EEA1: variants seen among roughly 807,000 people sequenced by gnomAD.
The protein encoded by EEA1 is early endosome antigen 1, 162kD.
EEA1 carries 111 observed loss-of-function variants against 209.2 expected under a neutral mutation model. The observed-to-expected ratio is 0.53, with a 90% CI of 0.45 to 0.62. The LOEUF is 0.62. Among genes scored for constraint, EEA1 ranks in the 20% least tolerant of loss-of-function variants. EEA1 has a pLI of 0.00. For missense variants in EEA1, 1,343 were observed against 1,530.8 expected (o/e 0.88, Z 2.05); for synonymous variants, 536 against 540.6 (o/e 0.99, Z 0.12).
chr12:92,782,028 T>C lies in EEA1; in HGVS notation c.3258A>G (p.Thr1086=). The C allele has an allele frequency of 6.2e-7, 1 of 1,613,368 alleles. No homozygotes were observed. Among genetic ancestry groups the C allele is most frequent in the Non-Finnish European group, 8.5e-7 (1 of 1,179,516 alleles). Residue 1086 remains threonine, a synonymous_variant, in exon 23 of 29, where the codon ACA becomes ACG. Coordinates refer to ENST00000322349, the MANE Select transcript of EEA1 (RefSeq NM_003566.4). ...LIQELKTAKA[T]LEQDSAKKEQ... ...CTTTCTTTGCTGAATCCTGCTCCAA[T>C]GTAGCCTTGGCAGTCTTCAGTTCTT...
intron 10 of EEA1, among the ~76,000 whole-genome samples, chr12:92,834,361 T>C (rs931571521): frequency 2.6e-5 from 4 of 151,614 alleles, no homozygotes; most frequent in Admixed American, 1.3e-4. Context: ...CTGGGCAATA[T>C]AGCAAGACTC....
At chr12:92,829,794 A>C (rs1370381136) in intron 11 of EEA1, among the ~76,000 whole-genome samples, 3 of 143,192 alleles carry the variant, frequency 2.1e-5, no homozygotes, top group African/African-American at 5.1e-5. Context: ...AAAAAAAAAA[A>C]AACAAAAAAC....
intron 1 of EEA1, among the ~76,000 whole-genome samples, chr12:92,898,949 T>G: frequency 7.7e-6 from 1 of 129,174 alleles, no homozygotes; most frequent in Non-Finnish European, 1.7e-5. Flanking sequence ...ATCTTACTCA[T>G]GAGTGAAAAA....
At chr12:92,892,370 G>C (rs1162160640) in intron 1 of EEA1, among the ~76,000 whole-genome samples, 2 of 152,034 alleles carry the variant, frequency 1.3e-5, no homozygotes, top group Non-Finnish European at 2.9e-5. Context: ...GGGGTTACAG[G>C]TGTGAGCCAT....
intron 1 of EEA1, among the ~76,000 whole-genome samples, chr12:92,924,500 C>T (rs895443127): frequency 6.6e-6 from 1 of 152,130 alleles, no homozygotes; most frequent in South Asian, 2.1e-4. Flanking sequence ...TGAGCCACCG[C>T]GCCTGGCTGA....
At chr12:92,925,181 CAA>C (rs796274410) in intron 1 of EEA1, among the ~76,000 whole-genome samples, 24 of 119,826 alleles carry the variant, frequency 2.0e-4, no homozygotes, top group African/African-American at 6.1e-4. Context: ...AAAGATGTCT[CAA>C]AAAAAAAAAA....
chr12:92,838,440 A>G (rs1354317673), intron 10 of EEA1, among the ~76,000 whole-genome samples: 2 of 152,226 alleles, frequency 1.3e-5, no homozygotes, highest in African/African-American at 4.8e-5. Context: ...CAAAGAAATT[A>G]AAAATCAAAC....
intron 21 of EEA1, among the ~76,000 whole-genome samples, chr12:92,789,321 GAAAGA>G (rs965649272): frequency 8.0e-5 from 12 of 149,658 alleles, no homozygotes; most frequent in African/African-American, 3.0e-4. Flanking sequence ...AAGAAAAAGA[GAAAGA>G]AAAGAAAAGA....
chr12:92,916,180 T>C (rs1401342811), intron 1 of EEA1, among the ~76,000 whole-genome samples: 2 of 152,172 alleles, frequency 1.3e-5, no homozygotes, highest in South Asian at 2.1e-4. Context: ...TCATCAAATA[T>C]GAATAGACAG....
intron 10 of EEA1, among the ~76,000 whole-genome samples, chr12:92,833,909 G>A (rs1474427739): frequency 2.6e-5 from 4 of 152,124 alleles, no homozygotes; most frequent in African/African-American, 9.7e-5. Context: ...AATGAGCAAA[G>A]TCAAGGGGAG....
intron 2 of EEA1, among the ~76,000 whole-genome samples, chr12:92,888,598 A>G (rs1353897830): frequency 6.6e-6 from 1 of 152,034 alleles, no homozygotes; most frequent in Admixed American, 6.5e-5. Flanking sequence ...AAACAAACAA[A>G]AAAAAAAACC....
At chr12:92,896,328 G>A (rs905344866) in intron 1 of EEA1, among the ~76,000 whole-genome samples, 2 of 152,194 alleles carry the variant, frequency 1.3e-5, no homozygotes, top group East Asian at 3.8e-4. Flanking sequence ...TCTTAGGGAT[G>A]AGCAAAGAAG....
intron 2 of EEA1, chr12:92,879,291 C>T (rs1879039542): frequency 4.7e-6 from 2 of 425,294 alleles, no homozygotes; most frequent in African/African-American, 4.2e-5. Context: ...CTGAAATGAA[C>T]ATCATTTCGG....
chr12:92,836,059 G>C (rs1167948987), intron 10 of EEA1, among the ~76,000 whole-genome samples: 1 of 151,102 alleles, frequency 6.6e-6, no homozygotes, highest in East Asian at 1.9e-4. Flanking sequence ...AAAATAATAA[G>C]AGCATTTTCA....
intron 1 of EEA1, among the ~76,000 whole-genome samples, chr12:92,901,090 G>A (rs1880122368): frequency 6.6e-6 from 1 of 152,182 alleles, no homozygotes; most frequent in Non-Finnish European, 1.5e-5. Context: ...ACTGGAAACA[G>A]GAAGTTATAC....
rs1158048542 is a variant in EEA1 at position 92,832,051 on chromosome 12, C to T, written c.1254+461G>A. On this transcript the variant is annotated intron_variant, in intron 11 of 28. Transcript: ENST00000322349. ...GCAGTGAGCCGAGATTGCGCCACTGCAGTCCGCAGTCCGGCCTGGGCGACA... is the reference window on the plus strand; with the variant it reads ...GCAGTGAGCCGAGATTGCGCCACTGTAGTCCGCAGTCCGGCCTGGGCGACA... 2.1e-5 allele frequency among the ~76,000 whole-genome samples: 3 copies of T among 145,350 alleles called. No individual in the cohort carries two copies. The East Asian group carries it at 6.0e-4, about 29-fold the overall frequency.
At chr12:92,859,714 C>T (rs1266187127) in intron 3 of EEA1, among the ~76,000 whole-genome samples, 5 of 152,200 alleles carry the variant, frequency 3.3e-5, no homozygotes, top group Admixed American at 6.5e-5. Flanking sequence ...GTCCTAATTG[C>T]GTTGACTTTC....
chr12:92,848,769 A>G (rs1877488795), intron 9 of EEA1, among the ~76,000 whole-genome samples: 1 of 114,604 alleles, frequency 8.7e-6, no homozygotes, highest in African/African-American at 3.5e-5. Context: ...GTCTGCCTCT[A>G]TCGCCCAGGC....
chr12:92,889,360 T>C (rs1179870313), intron 2 of EEA1, among the ~76,000 whole-genome samples: 1 of 151,156 alleles, frequency 6.6e-6, no homozygotes, highest in African/African-American at 2.4e-5. Flanking sequence ...GAAAAGGGTG[T>C]GTAGTAAGGA....
Sources: gnomAD v4.1 joint callset for allele counts (sites outside exome capture counted in the v4.1 genomes callset) on GRCh38, gnomAD v4.1.1 for gene constraint, MANE v1.5 for transcripts, NCBI Gene and HGNC (gene_info 2026-07-23, HGNC 2026-07-21) for gene names.